The following GPC5 variants were observed in gnomAD, a reference collection of about 807,000 sequenced individuals.
The protein encoded by GPC5 is glypican 5, also known as glypican-5.
In GPC5, 47 loss-of-function variants were observed where a neutral mutation model predicts 53.9. The observed-to-expected ratio is 0.87, with a 90% CI of 0.69 to 1.11. The LOEUF (loss-of-function observed/expected upper bound fraction) is 1.11, where lower values mean the gene tolerates loss of function less well. GPC5 is among the 50% of genes most tolerant of loss of function. GPC5 has a pLI of 0.00. For missense variants in GPC5, 748 were observed against 713.1 expected (o/e 1.05, Z -0.56); for synonymous variants, 286 against 263.3 (o/e 1.09, Z -0.84).
At chr13:91,851,110 G>A (rs574495732) in intron 5 of GPC5, among the ~76,000 whole-genome samples, 77 of 152,230 alleles carry the variant, frequency 5.1e-4, no homozygotes, top group African/African-American at 1.8e-3. Flanking sequence ...TCAGAGAGGT[G>A]AGGTCTGAGC....
Position 92,311,097 on chromosome 13 carries a change from T to C in GPC5, c.1561+166108T>C, listed in dbSNP as rs146899234. On this transcript the variant is annotated intron_variant, in intron 7 of 7. Transcript: ENST00000377067. Reference sequence around the variant, plus strand: ...GGAAAGAGCCACTTTATATCTTTTATGGAAAAACAAGAAAAACAAAAAGTT... The same window carrying C: ...GGAAAGAGCCACTTTATATCTTTTACGGAAAAACAAGAAAAACAAAAAGTT... 6.6e-3 allele frequency among the ~76,000 whole-genome samples: 1,006 copies of C among 152,222 alleles called. 10 individuals carry two copies. The highest frequency in any genetic ancestry group is 0.023 in the African/African-American group (948 of 41,528).
intron 6 of GPC5, among the ~76,000 whole-genome samples, chr13:91,927,648 G>A (rs895458126): frequency 6.6e-6 from 1 of 152,116 alleles, no homozygotes; most frequent in African/African-American, 2.4e-5. Context: ...ACAACTTATG[G>A]AAGTTTTGCT....
intron 7 of GPC5, among the ~76,000 whole-genome samples, chr13:92,570,959 G>A (rs1430885021): frequency 1.3e-5 from 2 of 152,086 alleles, no homozygotes; most frequent in African/African-American, 4.8e-5. Flanking sequence ...GCGAGTGACT[G>A]CTCAATGTTT....
intron 7 of GPC5, among the ~76,000 whole-genome samples, chr13:92,802,466 C>T (rs758385398): frequency 6.6e-6 from 1 of 151,662 alleles, no homozygotes; most frequent in Non-Finnish European, 1.5e-5. Flanking sequence ...ATGTGCACAA[C>T]GTGATCATGC....
intron 5 of GPC5, among the ~76,000 whole-genome samples, chr13:91,830,969 A>C (rs940891289): frequency 2.9e-5 from 4 of 136,782 alleles, no homozygotes; most frequent in African/African-American, 8.2e-5. Flanking sequence ...ATCCTATTAT[A>C]TATTATATAT....
At chr13:91,704,035 C>A (rs1400721517) in intron 3 of GPC5, among the ~76,000 whole-genome samples, 1 of 151,938 alleles carries the variant, frequency 6.6e-6, no homozygotes, top group South Asian at 2.1e-4. Flanking sequence ...TTAATGTTTC[C>A]TTATTGATTT....
chr13:91,756,223 A>G lies in GPC5; in HGVS notation c.1155-72A>G, dbSNP rs753196726. The G allele has an allele frequency of 6.4e-6, 7 of 1,095,852 alleles. No homozygotes were observed. The African/African-American group carries it at 7.7e-5, about 12-fold the overall frequency. 67.9% of individuals were successfully genotyped at this position (1,095,852 alleles called of 1,614,324 possible). A position where few individuals can be genotyped will look rare whatever the true frequency, so the allele number is the denominator to read the frequency against. On this transcript the variant is annotated intron_variant, in intron 4 of 7. Transcript: ENST00000377067. ...TTATATCCTAAACATTATGTATAAC[A>G]ATACATATCATTTTTGATGGCCTTT... is the stretch of plus-strand genomic sequence containing the variant.
chr13:92,745,745 G>A (rs1018036434), intron 7 of GPC5, among the ~76,000 whole-genome samples: 6 of 152,014 alleles, frequency 3.9e-5, no homozygotes, highest in Admixed American at 3.9e-4. Context: ...TATTTAACAA[G>A]TAAAATACTA....
chr13:92,497,017 T>C (rs950575932), intron 7 of GPC5, among the ~76,000 whole-genome samples: 5 of 152,180 alleles, frequency 3.3e-5, no homozygotes, highest in African/African-American at 7.2e-5. Context: ...CTTTATCAGA[T>C]GGGTAGATTA....
At chr13:92,336,339 G>C (rs979354697) in intron 7 of GPC5, among the ~76,000 whole-genome samples, 1 of 152,054 alleles carries the variant, frequency 6.6e-6, no homozygotes, top group Non-Finnish European at 1.5e-5. Context: ...TCTTTACAGT[G>C]AATTAAATAT....
At chr13:91,667,882 C>T (rs1300545483) in intron 2 of GPC5, among the ~76,000 whole-genome samples, 2 of 152,162 alleles carry the variant, frequency 1.3e-5, no homozygotes, top group Non-Finnish European at 1.5e-5. Context: ...TCCAGTGAGG[C>T]TCTGGACCCT....
At chr13:92,145,548 G>A (rs1457781845) in intron 7 of GPC5, among the ~76,000 whole-genome samples, 3 of 150,348 alleles carry the variant, frequency 2.0e-5, no homozygotes, top group Admixed American at 6.6e-5. Flanking sequence ...AGAACTCATC[G>A]CTACCACAAA....
chr13:91,926,433 C>T (rs1474484942), intron 6 of GPC5, among the ~76,000 whole-genome samples: 1 of 151,782 alleles, frequency 6.6e-6, no homozygotes, highest in South Asian at 2.1e-4. Flanking sequence ...TGTTCATGCA[C>T]CTCTGGTCAG....
chr13:91,901,972 A>G (rs1005935055), intron 5 of GPC5, among the ~76,000 whole-genome samples: 15 of 152,024 alleles, frequency 9.9e-5, no homozygotes, highest in African/African-American at 3.6e-4. Flanking sequence ...CAATAAAGGT[A>G]AAACAAGAAA....
chr13:91,645,637 T>A (rs2034540476), intron 2 of GPC5, among the ~76,000 whole-genome samples: 1 of 152,230 alleles, frequency 6.6e-6, no homozygotes, highest in South Asian at 2.1e-4. Context: ...GATTTCCTTA[T>A]CCTACTACTA....
intron 5 of GPC5, among the ~76,000 whole-genome samples, chr13:91,804,273 C>G (rs1173578103): frequency 3.3e-5 from 5 of 150,868 alleles, no homozygotes; most frequent in Admixed American, 6.7e-5. Context: ...CTTGTGAGGG[C>G]CTGTTAGTCT....
At chr13:92,852,820 T>C (rs935330405) in intron 7 of GPC5, among the ~76,000 whole-genome samples, 1 of 152,172 alleles carries the variant, frequency 6.6e-6, no homozygotes, top group African/African-American at 2.4e-5. Flanking sequence ...TATATTGATA[T>C]GAAGGTGAGA....
At chr13:91,433,820 G>A (rs1261173389) in intron 1 of GPC5, among the ~76,000 whole-genome samples, 1 of 152,060 alleles carries the variant, frequency 6.6e-6, no homozygotes, top group Non-Finnish European at 1.5e-5. Flanking sequence ...CCCACCAACA[G>A]TGTAAAAGTG....
At chr13:91,423,778 A>G (rs1231860966) in intron 1 of GPC5, among the ~76,000 whole-genome samples, 1 of 152,164 alleles carries the variant, frequency 6.6e-6, no homozygotes, top group Non-Finnish European at 1.5e-5. Flanking sequence ...ATGTTAATTA[A>G]CCTGATTTAA....
Sources: gnomAD v4.1 joint callset for allele counts (sites outside exome capture counted in the v4.1 genomes callset) on GRCh38, gnomAD v4.1.1 for gene constraint, MANE v1.5 for transcripts, NCBI Gene and HGNC (gene_info 2026-07-23, HGNC 2026-07-21) for gene names.